CARMIL1: variants seen among roughly 807,000 people sequenced by gnomAD.
CARMIL1 encodes the protein capping protein regulator and myosin 1 linker 1, also known as F-actin-uncapping protein LRRC16A.
A neutral mutation model predicts 177.1 loss-of-function variants in CARMIL1; 90 were observed. The observed-to-expected ratio is 0.51, with a 90% confidence interval of 0.43 to 0.61. The LOEUF is 0.61. Ranked by LOEUF, CARMIL1 falls within the 20% of genes least tolerant of loss-of-function variation. The probability of loss-of-function intolerance (pLI) is 0.00; values close to 1 mark genes in which losing one functional copy is unlikely to be tolerated. For missense variants in CARMIL1, 1,380 were observed against 1,667.0 expected (o/e 0.83, Z 3.00); for synonymous variants, 577 against 606.2 (o/e 0.95, Z 0.71).
chr6:25,493,920 A>C (rs1803458587), intron 15 of CARMIL1, among the ~76,000 whole-genome samples: 1 of 152,128 alleles, frequency 6.6e-6, no homozygotes. Context: ...TATATCACAT[A>C]GTCTACCAGA....
At chr6:25,580,255 T>G (rs1411965491) in intron 29 of CARMIL1, among the ~76,000 whole-genome samples, 1 of 152,236 alleles carries the variant, frequency 6.6e-6, no homozygotes, top group South Asian at 2.1e-4. Context: ...AGGGAGAAGA[T>G]AGTGCCTTTC....
intron 22 of CARMIL1, 93 bp downstream of exon 22, chr6:25,517,508 A>T: frequency 1.1e-6 from 1 of 911,818 alleles, no homozygotes. Context: ...TCAACTGTTT[A>T]TTGGGGATCA....
intron 36 of CARMIL1, among the ~76,000 whole-genome samples, chr6:25,616,056 T>G (rs1229569323): frequency 6.6e-6 from 1 of 152,234 alleles, no homozygotes; most frequent in Non-Finnish European, 1.5e-5. Flanking sequence ...CATTTACTTA[T>G]CTTCTATTAA....
intron 36 of CARMIL1, among the ~76,000 whole-genome samples, chr6:25,612,015 C>T (rs577214419): frequency 1.3e-5 from 2 of 152,332 alleles, no homozygotes; most frequent in South Asian, 4.1e-4. Context: ...AGTAGCAAAT[C>T]TTAGGAATGG....
chr6:25,507,384 C>T (rs1805016945), intron 17 of CARMIL1: 1 of 152,426 alleles, frequency 6.6e-6, no homozygotes, highest in Non-Finnish European at 1.5e-5. Flanking sequence ...TGCTTTTTTA[C>T]ATTTTGTATT....
At position 25,586,032 on chromosome 6, in the gene CARMIL1, A is replaced by G. The variant is rs1295257937; in HGVS notation, c.3006+4593A>G. Among the ~76,000 whole-genome samples, 3 of 152,158 alleles carry G rather than the reference A, an allele frequency of 2.0e-5. No individual in the cohort carries two copies. The South Asian group carries it at 6.2e-4, about 32-fold the overall frequency. The stretch of plus-strand genomic sequence containing the variant: ...TCTATTTGACAAAACCGCCATCATC[A>G]TCATGGCCCGCCCTCAATGAGCTGT... On this transcript the variant is annotated intron_variant, in intron 31 of 36. Transcript: ENST00000329474.
chr6:25,467,292 A>G (rs1800689737), intron 9 of CARMIL1, among the ~76,000 whole-genome samples: 1 of 152,136 alleles, frequency 6.6e-6, no homozygotes. Context: ...GCTTGCTGGG[A>G]TGGGACCATT....
At chr6:25,364,290 G>GTA (rs1008166182) in intron 2 of CARMIL1, among the ~76,000 whole-genome samples, 2 of 152,076 alleles carry the variant, frequency 1.3e-5, no homozygotes. Flanking sequence ...TTGTGTGTGT[G>GTA]TACATTTAGT....
rs1798669033 is a variant in CARMIL1 at position 25,450,405 on chromosome 6, A to G, written c.536A>G (p.Gln179Arg). The change falls in exon 7 of 37, where the codon CAA (glutamine) becomes CGA (arginine). Residue 179 changes from glutamine to arginine, a missense_variant. Gln to Arg is a conservative substitution (Grantham distance 43). Coordinates refer to ENST00000329474, the MANE Select transcript of CARMIL1 (RefSeq NM_017640.6). ...GGATTTTCATACAGGGAAGAAGTAC[A>G]ATGGGTAAGAATGTCTGTGTACATG... ...WLGFSYREEVQWDVDTIYLTQ... is the reference protein window; with the variant it reads ...WLGFSYREEVRWDVDTIYLTQ... 2.5e-6 allele frequency: 4 copies of G among 1,610,266 alleles called. No homozygotes were observed. The highest frequency in any genetic ancestry group is 1.3e-5 in the African/African-American group (1 of 74,848).
chr6:25,319,686 G>A lies in CARMIL1; in HGVS notation c.138+34777G>A, dbSNP rs566567100. 7.3e-5 allele frequency among the ~76,000 whole-genome samples: 11 copies of A among 151,682 alleles called. No individual in the cohort carries two copies. In the South Asian group the frequency reaches 2.3e-3, roughly 32 times the overall value. ...AGGAGTAGATGACTCCTAGAAGATA[G>A]GAACCTCTGCAGAATAACTTCTTGA... On this transcript the variant is annotated intron_variant, in intron 2 of 36. Coordinates refer to ENST00000329474, the MANE Select transcript of CARMIL1 (RefSeq NM_017640.6).
At chr6:25,521,700 C>T (rs140752127) in intron 23 of CARMIL1, among the ~76,000 whole-genome samples, 122 of 147,834 alleles carry the variant, frequency 8.3e-4, no homozygotes, top group Non-Finnish European at 1.4e-3. Context: ...ACCCGGGAGA[C>T]GGAGCTTGCA....
At position 25,339,949 on chromosome 6, in the gene CARMIL1, G is replaced by A. The variant is rs114087940; in HGVS notation, c.138+55040G>A. 7.9e-5 allele frequency among the ~76,000 whole-genome samples: 12 copies of A among 152,308 alleles called. No individual in the cohort carries two copies. The South Asian group carries it at 2.3e-3, about 29-fold the overall frequency. Reference sequence around the variant, plus strand: ...TGATTTTATTAAAATAGAATTGGCTGTAGATGCCCCTCCCCACTTTCCAAG... The same window carrying A: ...TGATTTTATTAAAATAGAATTGGCTATAGATGCCCCTCCCCACTTTCCAAG... On this transcript the variant is annotated intron_variant, in intron 2 of 36. Transcript: ENST00000329474.
At chr6:25,291,219 G>A (rs768883800) in intron 2 of CARMIL1, among the ~76,000 whole-genome samples, 12 of 151,970 alleles carry the variant, frequency 7.9e-5, no homozygotes, top group Admixed American at 2.0e-4. Context: ...AAAAAATGTC[G>A]AAAGGCATAG....
intron 2 of CARMIL1, among the ~76,000 whole-genome samples, chr6:25,324,141 A>G (rs927845115): frequency 6.6e-6 from 1 of 152,192 alleles, no homozygotes; most frequent in African/African-American, 2.4e-5. Flanking sequence ...AAAGGAACAG[A>G]CCTGTAGGAA....
In CARMIL1 at chr6:25,515,946, CCCATGAGG is replaced by C. The variant is rs1805947711; in HGVS notation, c.1805+104_1805+111del. 1.7e-6 allele frequency: 2 copies of C among 1,177,162 alleles called. No individual in the cohort carries two copies. The highest frequency in any genetic ancestry group is 1.5e-5 in the African/African-American group (1 of 64,872). 72.9% of individuals were successfully genotyped at this position (1,177,162 alleles called of 1,614,324 possible). On this transcript the variant is annotated intron_variant, in intron 21 of 36. Transcript: ENST00000329474. This position sits in a 1 kb window ranked among gnomAD's most constrained non-coding sequence, Gnocchi z 5.0. ...GCTGGGCCCGAGGGGACCTGGGCTT[CCCATGAGG>C]CCATCTTGAGGAGAAGAGGTGACAA...
Position 25,515,989 on chromosome 6 carries a change from T to G in CARMIL1, c.1805+142T>G, listed in dbSNP as rs558224040. ...GGAGAAGAGGTGACAATGTCAAGAT[T>G]TCTGTCAGAATAATGAGGAGGCTGT... On this transcript the variant is annotated intron_variant, in intron 21 of 36. Transcript: ENST00000329474. The surrounding 1 kb of genome is among the most constrained non-coding windows in gnomAD (Gnocchi z 5.0). 4 of 807,502 alleles carry G rather than the reference T, an allele frequency of 5.0e-6. No homozygotes were observed. Among genetic ancestry groups the G allele is most frequent in the Admixed American group, 3.0e-5 (1 of 33,574 alleles). 50.0% of individuals were successfully genotyped at this position (807,502 alleles called of 1,614,324 possible).
intron 8 of CARMIL1, among the ~76,000 whole-genome samples, chr6:25,462,171 G>C (rs1231361644): frequency 6.6e-6 from 1 of 151,930 alleles, no homozygotes; most frequent in Non-Finnish European, 1.5e-5. Flanking sequence ...TTTTAATTTT[G>C]AATAAAGTCC....
chr6:25,515,622 G>A lies in CARMIL1; in HGVS notation c.1633-53G>A. ...TTCTCCACGAAATGCGTCGTGGAGA[G>A]TGGGTGCTGCTTTGATGAGACTGCT... On this transcript the variant is annotated intron_variant, in intron 20 of 36. Transcript: ENST00000329474. This position sits in a 1 kb window ranked among gnomAD's most constrained non-coding sequence, Gnocchi z 5.0. The A allele has an allele frequency of 2.6e-6, 4 of 1,514,290 alleles. No individual in the cohort carries two copies. The highest frequency in any genetic ancestry group is 3.6e-6 in the Non-Finnish European group (4 of 1,120,130). 93.8% of individuals were successfully genotyped at this position (1,514,290 alleles called of 1,614,324 possible).
chr6:25,283,539 G>A (rs1007243006), intron 1 of CARMIL1, among the ~76,000 whole-genome samples: 1 of 152,114 alleles, frequency 6.6e-6, no homozygotes, highest in African/African-American at 2.4e-5. Flanking sequence ...TTCATTTTGA[G>A]GTACTCATGG....
Sources: allele counts gnomAD v4.1 joint callset (sites outside exome capture counted in the v4.1 genomes callset), GRCh38; gene constraint gnomAD v4.1.1; non-coding constraint Gnocchi (gnomAD v3.1); transcripts MANE v1.5; gene names NCBI Gene and HGNC (gene_info 2026-07-23, HGNC 2026-07-21).